Variants in SHKBP1 observed in about 807,000 individuals in gnomAD.
SHKBP1 encodes SH3KBP1 binding protein 1.
SHKBP1 carries 71 observed loss-of-function variants against 83.9 expected under a neutral mutation model. The ratio of observed to expected loss-of-function variants is 0.85; its 90% confidence interval spans 0.70 to 1.03. SHKBP1 has a LOEUF of 1.03. SHKBP1 is among the 50% of genes least tolerant of loss of function. The probability of loss-of-function intolerance (pLI) is 0.00; values close to 1 mark genes in which losing one functional copy is unlikely to be tolerated. For synonymous variants in SHKBP1, 371 were observed against 398.0 expected (o/e 0.93, Z 0.81); for missense variants, 824 against 982.4 (o/e 0.84, Z 2.16).
rs2145983490 is a variant in SHKBP1 at position 40,582,457 on chromosome 19, G to A, written c.951G>A (p.Lys317=). 2 of 1,613,976 alleles carry A rather than the reference G, an allele frequency of 1.2e-6. No individual in the cohort carries two copies. The highest frequency in any genetic ancestry group is 2.2e-5 in the East Asian group (1 of 44,880). ...TCGGGGTGTGGAATGCCGTCACCAA[G>A]CACTGGCAGGTCAGAGTTCTGGCCA... The part of the protein sequence containing the change: ...GRIGVWNAVT[K]HWQVQEVQPI... The change falls in exon 10 of 18, where the codon AAG becomes AAA. Residue 317 remains lysine, a synonymous_variant. Coordinates refer to ENST00000291842, the MANE Select transcript of SHKBP1 (RefSeq NM_138392.4).
At position 40,588,780 on chromosome 19, in the gene SHKBP1, G is replaced by A. The variant is rs766943570; in HGVS notation, c.1492+1G>A. ...GGCTGCAGTGCTGGCAATGACATTG[G>A]TGCCTACTGGCTCCTGGCCTTCCCA... On this transcript the variant is annotated splice_donor_variant, in intron 14 of 17. Coordinates refer to ENST00000291842, the MANE Select transcript of SHKBP1 (RefSeq NM_138392.4). LOFTEE classifies it high-confidence loss of function. The A allele has an allele frequency of 4.3e-6, 7 of 1,612,586 alleles. No homozygotes were observed. In the African/African-American group the frequency reaches 5.3e-5, roughly 12 times the overall value.
At position 40,588,755 on chromosome 19, in the gene SHKBP1, G is replaced by A. The variant is rs753955774; in HGVS notation, c.1468G>A (p.Gly490Ser). The A allele has an allele frequency of 8.1e-6, 13 of 1,613,568 alleles. No homozygotes were observed. The highest frequency in any genetic ancestry group is 2.2e-5 in the East Asian group (1 of 44,896). Residue 490 changes from glycine (G) to serine (S), a missense_variant, in exon 14 of 18, where the codon GGC becomes AGC. By Grantham distance (56) the Gly-to-Ser change is moderately conservative. Coordinates refer to ENST00000291842, the MANE Select transcript of SHKBP1 (RefSeq NM_138392.4). ...TCTGGAGTCGGCAGATGGGCATGGC[G>A]GCTGCAGTGCTGGCAATGACATTGG... ...LALESADGHG[G>S]CSAGNDIGPY...
At chr19:40,583,830 A>G (rs920323716) in intron 12 of SHKBP1, 113 bp downstream of exon 12, 9 of 766,794 alleles carry the variant, frequency 1.2e-5, no homozygotes, top group Non-Finnish European at 1.8e-5. Context: ...GAGGGGCGGC[A>G]GATTCAACTC....
In SHKBP1 at chr19:40,591,051, G is replaced by A; in HGVS notation, c.1968G>A (p.Arg656=). 6.2e-7 allele frequency: 1 copy of A among 1,612,986 alleles called. No homozygotes were observed. Residue 656 remains arginine (R), a synonymous_variant, in exon 18 of 18, where the codon CGG becomes CGA. Coordinates refer to ENST00000291842, the MANE Select transcript of SHKBP1 (RefSeq NM_138392.4). Reference sequence around the variant, plus strand: ...CAAGCCCCCCGCAGGCTGAGGCCCGGCGCCGTGGTGGGGGCAGCTTTGTGG... The same window carrying A: ...CAAGCCCCCCGCAGGCTGAGGCCCGACGCCGTGGTGGGGGCAGCTTTGTGG... The part of the protein sequence containing the change: ...GSPSPPQAEA[R]RRGGGSFVER...
At position 40,578,628 on chromosome 19, in the gene SHKBP1, C is replaced by T. The variant is rs907323578; in HGVS notation, c.400+86C>T. The T allele has an allele frequency of 6.7e-6, 8 of 1,202,554 alleles. No homozygotes were observed. In the African/African-American group the frequency reaches 1.2e-4, roughly 18 times the overall value. 74.5% of individuals were successfully genotyped at this position (1,202,554 alleles called of 1,614,324 possible). On this transcript the variant is annotated intron_variant, in intron 6 of 17. Coordinates refer to ENST00000291842, the MANE Select transcript of SHKBP1 (RefSeq NM_138392.4). ...AGGCTGCAGCTCTCGGGTGCCTGTG[C>T]TGTGCGTCCTGAGATACAGTGGGAG...
intron 4 of SHKBP1, 161 bp from the exon 5 acceptor site, chr19:40,577,989 ACACT>A (rs1460559625): frequency 2.9e-6 from 2 of 680,944 alleles, no homozygotes; most frequent in South Asian, 1.6e-5. Flanking sequence ...ACACACACAC[ACACT>A]CAACATTTCC....
At chr19:40,578,620 T>G (rs2081242373) in intron 6 of SHKBP1, 78 bp downstream of exon 6, 2 of 1,336,776 alleles carry the variant, frequency 1.5e-6, no homozygotes, top group Admixed American at 3.4e-5. Flanking sequence ...AGCTCTCGGG[T>G]GCCTGTGCTG....
intron 6 of SHKBP1, among the ~76,000 whole-genome samples, chr19:40,579,186 C>T (rs1053505948): frequency 1.3e-5 from 2 of 151,978 alleles, no homozygotes; most frequent in Non-Finnish European, 2.9e-5. Flanking sequence ...GATCTTGGCT[C>T]ACTGCAACCT....
Position 40,586,935 on chromosome 19 carries a change from C to G in SHKBP1, c.1327C>G (p.Leu443Val). 6.2e-7 allele frequency: 1 copy of G among 1,600,762 alleles called. No homozygotes were observed. The highest frequency in any genetic ancestry group is 8.5e-7 in the Non-Finnish European group (1 of 1,170,258). The change falls in exon 13 of 18, where the codon CTC becomes GTC. Residue 443 changes from leucine (L) to valine (V), a missense_variant. By Grantham distance (32) the Leu-to-Val change is conservative. Coordinates refer to ENST00000291842, the MANE Select transcript of SHKBP1 (RefSeq NM_138392.4). Reference sequence around the variant, plus strand: ...CAAGATCATGCTGTCGGAGAAGCACCTCATCTCAGGTGAGCCTCTGTGGGG... The same window carrying G: ...CAAGATCATGCTGTCGGAGAAGCACGTCATCTCAGGTGAGCCTCTGTGGGG... ...VTKIMLSEKH[L>V]ISVCADNNHV...
intron 15 of SHKBP1, 32 bp downstream of exon 15, chr19:40,589,210 GA>G: frequency 6.7e-7 from 1 of 1,485,494 alleles, no homozygotes; most frequent in East Asian, 2.3e-5. Flanking sequence ...AGGGAGGGAG[GA>G]CAGTCCTGTC....
In SHKBP1 at chr19:40,590,665, T is replaced by A. The variant is rs1163323500; in HGVS notation, c.1769-65T>A. 2 of 1,514,144 alleles carry A rather than the reference T, an allele frequency of 1.3e-6. No homozygotes were observed. Among genetic ancestry groups the A allele is most frequent in the Admixed American group, 2.0e-5 (1 of 49,006 alleles). The allele number at this position is 1,514,144 out of a possible 1,614,324, so 93.8% of individuals were successfully genotyped here. A position where few individuals can be genotyped will look rare whatever the true frequency, so the allele number is the denominator to read the frequency against. On this transcript the variant is annotated intron_variant, in intron 16 of 17. Transcript: ENST00000291842. This position sits in a 1 kb window ranked among gnomAD's most constrained non-coding sequence, Gnocchi z 4.6. ...CTGACCCTCGGTGCTTGCACTGCAA[T>A]GCAACCCAGGCCCTTGCCCTATGAC...
In SHKBP1 at chr19:40,586,661, C is replaced by T. The variant is rs528172519; in HGVS notation, c.1166-113C>T. ...GGATTACGGCGTGAGCCACCGTGCCCGGCCTCTCCTTGCTTTCTGACTGTG... is the reference window on the plus strand; with the variant it reads ...GGATTACGGCGTGAGCCACCGTGCCTGGCCTCTCCTTGCTTTCTGACTGTG... On this transcript the variant is annotated intron_variant, in intron 12 of 17. Coordinates refer to ENST00000291842, the MANE Select transcript of SHKBP1 (RefSeq NM_138392.4). 1.2e-4 allele frequency: 130 copies of T among 1,115,672 alleles called. No individual in the cohort carries two copies. The East Asian group carries it at 2.0e-3, about 17-fold the overall frequency. The allele number at this position is 1,115,672 out of a possible 1,614,324, so 69.1% of individuals were successfully genotyped here. A position where few individuals can be genotyped will look rare whatever the true frequency, so the allele number is the denominator to read the frequency against.
intron 9 of SHKBP1, 60 bp downstream of exon 9, chr19:40,580,996 T>A: frequency 6.9e-7 from 1 of 1,450,986 alleles, no homozygotes; most frequent in Non-Finnish European, 9.2e-7. Context: ...CCTGTTAAAA[T>A]GACCCACCCC....
At chr19:40,587,418 C>T (rs185711782) in intron 13 of SHKBP1, among the ~76,000 whole-genome samples, 193 of 151,584 alleles carry the variant, frequency 1.3e-3, no homozygotes, top group African/African-American at 4.5e-3. Context: ...GGTGAAACCC[C>T]ACCTCTACCA....
At chr19:40,589,912 T>C (rs392726) in intron 15 of SHKBP1, among the ~76,000 whole-genome samples, 84,632 of 151,180 alleles carry the variant, frequency 0.56, 24,470 homozygotes, top group African/African-American at 0.72. Flanking sequence ...GGCCACTGCA[T>C]GGGGGATGAA....
chr19:40,588,587 A>G (rs1046570460), intron 13 of SHKBP1, 37 bp from the exon 14 acceptor site: 2 of 1,613,106 alleles, frequency 1.2e-6, no homozygotes, highest in South Asian at 1.1e-5. Flanking sequence ...TGATGCCTGC[A>G]CCAGGCCTGA....
intron 10 of SHKBP1, 118 bp downstream of exon 10, chr19:40,582,584 C>G: frequency 1.2e-6 from 1 of 813,984 alleles, no homozygotes; most frequent in Non-Finnish European, 1.9e-6. Flanking sequence ...AGCCAGAGAA[C>G]CAGCAGCTGG....
intron 6 of SHKBP1, among the ~76,000 whole-genome samples, chr19:40,578,900 G>T (rs1189724557): frequency 6.6e-6 from 1 of 152,084 alleles, no homozygotes; most frequent in Non-Finnish European, 1.5e-5. Flanking sequence ...CAGCCCACTG[G>T]CCATGGAAGG....
At chr19:40,587,671 T>A (rs1599846438) in intron 13 of SHKBP1, among the ~76,000 whole-genome samples, 1 of 151,846 alleles carries the variant, frequency 6.6e-6, no homozygotes. Context: ...GAGGCCAAGG[T>A]GGGAGGATTG....
Sources: allele counts gnomAD v4.1 joint callset (sites outside exome capture counted in the v4.1 genomes callset), GRCh38; gene constraint gnomAD v4.1.1; non-coding constraint Gnocchi (gnomAD v3.1); transcripts MANE v1.5; gene names NCBI Gene and HGNC (gene_info 2026-07-23, HGNC 2026-07-21).